Variants in PKIA observed in about 807,000 individuals in gnomAD.
The protein encoded by PKIA is PKI-alpha.
A neutral mutation model predicts 7.6 loss-of-function variants in PKIA; 4 were observed. The ratio of observed to expected loss-of-function variants is 0.52; its 90% confidence interval spans 0.26 to 1.20. PKIA has a LOEUF of 1.20. PKIA is among the 50% of genes most tolerant of loss of function. PKIA has a pLI of 0.13. For missense variants in PKIA, 73 were observed against 86.2 expected (o/e 0.85, Z 0.61); for synonymous variants, 21 against 30.7 (o/e 0.68, Z 1.04).
At chr8:78,569,251 G>A (rs1807493162) in intron 1 of PKIA, among the ~76,000 whole-genome samples, 1 of 152,144 alleles carries the variant, frequency 6.6e-6, no homozygotes, top group South Asian at 2.1e-4. Flanking sequence ...AAAGAGAGTT[G>A]ACACTTCATT....
rs140957158 is a variant in PKIA at position 78,538,071 on chromosome 8, G to C, written c.-157+21603G>C. On this transcript the variant is annotated intron_variant, in intron 1 of 3. Transcript: ENST00000396418. ...CATATAACCCTCATACCCTATGCTG[G>C]CCCTAAACTTGTTCTTTCTCTACGT... Among the ~76,000 whole-genome samples the C allele has an allele frequency of 3.8e-4, 57 of 151,644 alleles. No homozygotes were observed. In the East Asian group the frequency reaches 0.011, roughly 29 times the overall value.
At position 78,602,713 on chromosome 8, in the gene PKIA, A is replaced by ATATATATATATATTTTTTTT. The variant is rs1554584766; in HGVS notation, c.*893_*894insATATATATATATTTTTTTTT. ...CCACATAATATATATATATATATAT[A>ATATATATATATATTTTTTTT]TTTTAATTTATGAGAATTTTGGACA... On this transcript the variant is annotated 3_prime_UTR_variant, in exon 4 of 4. Transcript: ENST00000396418. The ATATATATATATATTTTTTTT allele has an allele frequency of 6.8e-6, 1 of 147,894 alleles. No individual in the cohort carries two copies. Among genetic ancestry groups the ATATATATATATATTTTTTTT allele is most frequent in the African/African-American group, 2.5e-5 (1 of 39,958 alleles). 9.2% of individuals were successfully genotyped at this position (147,894 alleles called of 1,614,324 possible).
At chr8:78,583,472 G>A (rs1428610596) in intron 2 of PKIA, among the ~76,000 whole-genome samples, 2 of 152,062 alleles carry the variant, frequency 1.3e-5, no homozygotes, top group Non-Finnish European at 2.9e-5. Flanking sequence ...TTTGTGAGAG[G>A]CATAATAGCA....
At chr8:78,584,675 A>G (rs992138242) in intron 2 of PKIA, among the ~76,000 whole-genome samples, 1 of 152,116 alleles carries the variant, frequency 6.6e-6, no homozygotes, top group African/African-American at 2.4e-5. Context: ...CATTCTATCT[A>G]ATTTGTACCA....
At chr8:78,594,538 G>C (rs112899214) in intron 2 of PKIA, among the ~76,000 whole-genome samples, 12 of 152,086 alleles carry the variant, frequency 7.9e-5, no homozygotes, top group Admixed American at 2.0e-4. Flanking sequence ...AGAAACTCAG[G>C]GAATAGAAAA....
chr8:78,568,014 G>A (rs1479210307), intron 1 of PKIA, among the ~76,000 whole-genome samples: 1 of 152,072 alleles, frequency 6.6e-6, no homozygotes, highest in African/African-American at 2.4e-5. Flanking sequence ...TCTCCAGGAA[G>A]CTCTAGTTCC....
chr8:78,547,250 A>T (rs1473341227), intron 1 of PKIA, among the ~76,000 whole-genome samples: 1 of 152,042 alleles, frequency 6.6e-6, no homozygotes, highest in East Asian at 1.9e-4. Context: ...CTGGGATTAT[A>T]GGCGCCACCA....
chr8:78,598,265 A>T, intron 2 of PKIA, 93 bp from the exon 3 acceptor site: 1 of 696,368 alleles, frequency 1.4e-6, no homozygotes, highest in South Asian at 2.5e-5. Context: ...TGTAAACAGG[A>T]CAATTGTTTC....
chr8:78,585,262 T>C (rs1294847669), intron 2 of PKIA, among the ~76,000 whole-genome samples: 2 of 152,038 alleles, frequency 1.3e-5, no homozygotes, highest in Non-Finnish European at 2.9e-5. Flanking sequence ...ATTAGCCAAA[T>C]TGATACTTTC....
intron 1 of PKIA, among the ~76,000 whole-genome samples, chr8:78,572,121 AC>A (rs891986824): frequency 1.3e-5 from 2 of 152,000 alleles, no homozygotes; most frequent in Admixed American, 1.3e-4. Context: ...CAGTGTTGGA[AC>A]CTTTTTGCAT....
intron 1 of PKIA, among the ~76,000 whole-genome samples, chr8:78,565,086 A>G (rs1807371498): frequency 6.6e-6 from 1 of 151,922 alleles, no homozygotes; most frequent in South Asian, 2.1e-4. Flanking sequence ...ATTTTCAAAT[A>G]AATAATTATT....
intron 3 of PKIA, among the ~76,000 whole-genome samples, chr8:78,601,019 G>C (rs909065593): frequency 2.0e-5 from 3 of 152,050 alleles, no homozygotes; most frequent in African/African-American, 7.2e-5. Context: ...TCTGAGTCTA[G>C]AATTGCCAAC....
At chr8:78,588,549 A>C (rs1342690665) in intron 2 of PKIA, among the ~76,000 whole-genome samples, 22 of 152,234 alleles carry the variant, frequency 1.4e-4, no homozygotes, top group Non-Finnish European at 2.9e-5. Context: ...GATATGGATG[A>C]CTATTGTGAA....
intron 1 of PKIA, among the ~76,000 whole-genome samples, chr8:78,566,103 T>G (rs547036087): frequency 6.6e-6 from 1 of 152,154 alleles, no homozygotes; most frequent in South Asian, 2.1e-4. Flanking sequence ...AAGCCCACCT[T>G]AGGAGAACTG....
At chr8:78,591,589 T>C (rs1808095875) in intron 2 of PKIA, among the ~76,000 whole-genome samples, 1 of 152,198 alleles carries the variant, frequency 6.6e-6, no homozygotes, top group Non-Finnish European at 1.5e-5. Context: ...TGTCAGGTTT[T>C]AGAGATTTAT....
intron 2 of PKIA, among the ~76,000 whole-genome samples, chr8:78,575,492 G>C (rs1011917568): frequency 1.3e-5 from 2 of 151,772 alleles, no homozygotes; most frequent in African/African-American, 4.8e-5. Context: ...ATAATACAAT[G>C]TTGTACAAAT....
chr8:78,563,782 A>AGATGTG (rs1491049087), intron 1 of PKIA, among the ~76,000 whole-genome samples: 1 of 152,184 alleles, frequency 6.6e-6, no homozygotes, highest in Non-Finnish European at 1.5e-5. Flanking sequence ...TGAATGAGAC[A>AGATGTG]AAGAAGATAT....
intron 2 of PKIA, among the ~76,000 whole-genome samples, chr8:78,587,817 C>A (rs1412622643): frequency 6.6e-6 from 1 of 152,078 alleles, no homozygotes; most frequent in African/African-American, 2.4e-5. Context: ...TGTTTATCTT[C>A]TTAAGTTTAT....
chr8:78,570,733 T>C (rs1356260140), intron 1 of PKIA, among the ~76,000 whole-genome samples: 1 of 152,148 alleles, frequency 6.6e-6, no homozygotes, highest in Non-Finnish European at 1.5e-5. Flanking sequence ...TTGTCTTCTT[T>C]TTTTACACCC....
Sources: gnomAD v4.1 joint callset for allele counts (sites outside exome capture counted in the v4.1 genomes callset) on GRCh38, gnomAD v4.1.1 for gene constraint, MANE v1.5 for transcripts, NCBI Gene and HGNC (gene_info 2026-07-23, HGNC 2026-07-21) for gene names.